The following PSD3 variants were observed in gnomAD, a reference collection of about 807,000 sequenced individuals.
PSD3 encodes PH and SEC7 domain-containing protein 3.
PSD3 carries 49 observed loss-of-function variants against 105.5 expected under a neutral mutation model. That is an observed-to-expected ratio of 0.46 (90% CI 0.37 to 0.59). The LOEUF is 0.59. Ranked by LOEUF, PSD3 falls within the 20% of genes least tolerant of loss-of-function variation. PSD3 has a pLI of 0.00. For missense variants in PSD3, 1,561 were observed against 1,263.8 expected, an observed-to-expected ratio of 1.24 and a Z score of -3.57; for synonymous variants, 557 against 457.8, an observed-to-expected ratio of 1.22 and a Z score of -2.77.
At chr8:18,792,243 C>T (rs1473860916) in intron 8 of PSD3, among the ~76,000 whole-genome samples, 1 of 152,138 alleles carries the variant, frequency 6.6e-6, no homozygotes, top group Non-Finnish European at 1.5e-5. Context: ...AGAAATCATT[C>T]TGTTATAAAG....
At position 18,533,978 on chromosome 8, in the gene PSD3, C is replaced by G. The variant is rs965957837; in HGVS notation, c.*1765G>C. The G allele has an allele frequency of 6.6e-6, 1 of 152,044 alleles. No homozygotes were observed. Among genetic ancestry groups the G allele is most frequent in the African/African-American group, 2.4e-5 (1 of 41,398 alleles). The allele number at this position is 152,044 out of a possible 1,614,324, so 9.4% of individuals were successfully genotyped here. A position where few individuals can be genotyped will look rare whatever the true frequency, so the allele number is the denominator to read the frequency against. Reference sequence around the variant, plus strand: ...TATTACAAAGAAAGCAACTGCAACCCTAGAGAGGGGTAAGCCTTCTCTGGG... The same window carrying G: ...TATTACAAAGAAAGCAACTGCAACCGTAGAGAGGGGTAAGCCTTCTCTGGG... On this transcript the variant is annotated 3_prime_UTR_variant, in exon 16 of 16. Transcript: ENST00000327040.
At chr8:18,710,135 T>A (rs908394047) in intron 9 of PSD3, among the ~76,000 whole-genome samples, 4 of 152,150 alleles carry the variant, frequency 2.6e-5, no homozygotes, top group African/African-American at 9.7e-5. Context: ...ATAACCCGTT[T>A]AGAGAGGAAC....
At chr8:18,959,792 C>A (rs941610260) in intron 1 of PSD3, among the ~76,000 whole-genome samples, 1 of 152,214 alleles carries the variant, frequency 6.6e-6, no homozygotes, top group Non-Finnish European at 1.5e-5. Context: ...TCTGTTAACA[C>A]AAGGCAGAAA....
In PSD3 at chr8:19,009,796, C is replaced by G. The variant is rs558838734; in HGVS notation, c.21+3767G>C. On this transcript the variant is annotated intron_variant, in intron 1 of 15. Coordinates refer to ENST00000327040, the MANE Select transcript of PSD3 (RefSeq NM_015310.4). ...GTCCCAGCCACTCGGGAGGCTGAGA[C>G]AGGAGAATTGCTTGAGTCTGAGAGG... is the stretch of plus-strand genomic sequence containing the variant. Among the ~76,000 whole-genome samples the G allele has an allele frequency of 2.7e-5, 4 of 150,318 alleles. No homozygotes were observed. In the East Asian group the frequency reaches 7.8e-4, roughly 29 times the overall value.
intron 15 of PSD3, among the ~76,000 whole-genome samples, chr8:18,549,153 T>C (rs377281952): frequency 6.7e-6 from 1 of 149,850 alleles, no homozygotes; most frequent in Middle Eastern, 3.5e-3. Flanking sequence ...GTTCTTCTTA[T>C]ACTCATTATT....
intron 1 of PSD3, among the ~76,000 whole-genome samples, chr8:19,037,044 G>A (rs931248258): frequency 4.6e-5 from 7 of 152,042 alleles, no homozygotes; most frequent in African/African-American, 1.2e-4. Context: ...CCTATCCTTG[G>A]GATCATCCCA....
Position 18,872,047 on chromosome 8 carries a change from T to A in PSD3, c.817A>T (p.Arg273Trp), listed in dbSNP as rs1817398393. Residue 273 changes from arginine (R) to tryptophan (W), a missense_variant, in exon 3 of 16, where the codon AGG becomes TGG. By Grantham distance (101) the Arg-to-Trp change is moderately radical. Coordinates refer to ENST00000327040, the MANE Select transcript of PSD3 (RefSeq NM_015310.4). ...AGSVGFLKEQ[R>W]SALGREHPGG... ...GGGTGCTCTCTCCCAAGAGCAGACC[T>A]CTGCTCTTTCAAGAAACCAACACTG... 6.2e-7 allele frequency: 1 copy of A among 1,614,138 alleles called. No individual in the cohort carries two copies.
intron 9 of PSD3, among the ~76,000 whole-genome samples, chr8:18,661,092 GTCTC>G (rs947261265): frequency 3.3e-5 from 5 of 152,254 alleles, no homozygotes; most frequent in African/African-American, 9.6e-5. Context: ...GTAACCGTGA[GTCTC>G]TCTTTCTCTC....
chr8:18,563,760 G>A (rs1383757109), intron 14 of PSD3, among the ~76,000 whole-genome samples: 1 of 152,080 alleles, frequency 6.6e-6, no homozygotes, highest in African/African-American at 2.4e-5. Flanking sequence ...TAACAATTAA[G>A]GCCACATCAA....
At chr8:18,552,172 C>G (rs552810133) in intron 15 of PSD3, among the ~76,000 whole-genome samples, 1 of 152,306 alleles carries the variant, frequency 6.6e-6, no homozygotes, top group East Asian at 1.9e-4. Context: ...TGAAAGCCAG[C>G]TATTAACCTG....
chr8:18,776,339 ATATAG>A (rs1054313194), intron 8 of PSD3, among the ~76,000 whole-genome samples: 1 of 147,250 alleles, frequency 6.8e-6, no homozygotes, highest in Non-Finnish European at 1.5e-5. Context: ...ATATAAATAT[ATATAG>A]TATAAAAATA....
At chr8:18,835,210 TAAG>T (rs1439497581) in intron 4 of PSD3, among the ~76,000 whole-genome samples, 1 of 152,180 alleles carries the variant, frequency 6.6e-6, no homozygotes, top group East Asian at 1.9e-4. Context: ...GCATTTATTT[TAAG>T]AAAAGAATCA....
intron 1 of PSD3, among the ~76,000 whole-genome samples, chr8:18,961,069 G>A (rs1351759697): frequency 1.3e-5 from 2 of 152,104 alleles, no homozygotes; most frequent in African/African-American, 4.8e-5. Context: ...TCCAGCCTGG[G>A]TGACAGAGTG....
chr8:18,985,248 T>C (rs1333613868), intron 1 of PSD3, among the ~76,000 whole-genome samples: 2 of 152,130 alleles, frequency 1.3e-5, no homozygotes, highest in East Asian at 1.9e-4. Context: ...TTTGCTTTTA[T>C]AGAGTGGAGG....
At chr8:18,706,553 A>G (rs1407067952) in intron 9 of PSD3, among the ~76,000 whole-genome samples, 4 of 152,246 alleles carry the variant, frequency 2.6e-5, no homozygotes, top group African/African-American at 9.6e-5. Flanking sequence ...GCCATATAGA[A>G]GAGCACTGGT....
chr8:18,611,113 G>C (rs1585381974), intron 11 of PSD3, among the ~76,000 whole-genome samples: 1 of 152,094 alleles, frequency 6.6e-6, no homozygotes, highest in Non-Finnish European at 1.5e-5. Context: ...CTAAATGGTA[G>C]CATGGCACTA....
chr8:18,531,633 C>G lies in PSD3; in HGVS notation c.*4110G>C, dbSNP rs903368325. ...GAAAGCTGTGGAGCAAGGTAGGAGG[C>G]CCAGAGGCGCATCTGCCTGCAAAGC... On this transcript the variant is annotated 3_prime_UTR_variant, in exon 16 of 16. Coordinates refer to ENST00000327040, the MANE Select transcript of PSD3 (RefSeq NM_015310.4). 3 of 152,356 alleles carry G rather than the reference C, an allele frequency of 2.0e-5. No individual in the cohort carries two copies. The East Asian group carries it at 5.8e-4, about 29-fold the overall frequency. 9.4% of individuals were successfully genotyped at this position (152,356 alleles called of 1,614,324 possible). A position where few individuals can be genotyped will look rare whatever the true frequency, so the allele number is the denominator to read the frequency against.
At position 18,823,308 on chromosome 8, in the gene PSD3, A is replaced by G. The variant is rs571594254; in HGVS notation, c.1635-18410T>C. The stretch of plus-strand genomic sequence containing the variant: ...AAGTCATCTAGACAGTCTAAGTTTT[A>G]CATTTTGAATTCCTATCATTGGAAC... On this transcript the variant is annotated intron_variant, in intron 4 of 15. Transcript: ENST00000327040. 2.0e-3 allele frequency among the ~76,000 whole-genome samples: 305 copies of G among 152,338 alleles called. 1 individual carries two copies. The highest frequency in any genetic ancestry group is 7.2e-3 in the African/African-American group (298 of 41,582).
At chr8:18,927,918 T>A (rs1342500774) in intron 2 of PSD3, among the ~76,000 whole-genome samples, 4 of 152,338 alleles carry the variant, frequency 2.6e-5, no homozygotes, top group Admixed American at 6.5e-5. Context: ...ATTGTACAAC[T>A]GTTGTGGAAA....
Sources: allele counts gnomAD v4.1 joint callset (sites outside exome capture counted in the v4.1 genomes callset), GRCh38; gene constraint gnomAD v4.1.1; transcripts MANE v1.5; gene names NCBI Gene and HGNC (gene_info 2026-07-23, HGNC 2026-07-21).